The following SDCCAG8 variants were observed in gnomAD, a reference collection of about 807,000 sequenced individuals.
The protein encoded by SDCCAG8 is SHH signaling and ciliogenesis regulator SDCCAG8, also known as serologically defined colon cancer antigen 8.
A neutral mutation model predicts 101.8 loss-of-function variants in SDCCAG8; 74 were observed. That is an observed-to-expected ratio of 0.73 (90% confidence interval 0.60 to 0.88). SDCCAG8 has a LOEUF of 0.88. Ranked by LOEUF, SDCCAG8 falls within the 40% of genes least tolerant of loss-of-function variation. The pLI is 0.00. For synonymous variants in SDCCAG8, 281 were observed against 292.9 expected, an observed-to-expected ratio of 0.96 and a Z score of 0.41; for missense variants, 787 against 822.6, an observed-to-expected ratio of 0.96 and a Z score of 0.53.
chr1:243,283,575 C>T (rs1312221694), intron 4 of SDCCAG8, among the ~76,000 whole-genome samples: 1 of 151,778 alleles, frequency 6.6e-6, no homozygotes, highest in Non-Finnish European at 1.5e-5. Context: ...TATATCCAGT[C>T]TACTGATGAG....
chr1:243,337,343 T>C (rs1000160949), intron 10 of SDCCAG8, among the ~76,000 whole-genome samples: 2 of 152,230 alleles, frequency 1.3e-5, no homozygotes, highest in African/African-American at 4.8e-5. Context: ...TTTCTGGATC[T>C]CTATTCGATA....
At chr1:243,430,801 G>T (rs911020607) in intron 16 of SDCCAG8, among the ~76,000 whole-genome samples, 6 of 152,118 alleles carry the variant, frequency 3.9e-5, no homozygotes, top group Non-Finnish European at 7.4e-5. Flanking sequence ...GAAATCAAAA[G>T]ATTTTTTAAA....
chr1:243,360,188 T>C (rs1048508088), intron 12 of SDCCAG8, among the ~76,000 whole-genome samples: 29 of 140,596 alleles, frequency 2.1e-4, no homozygotes, highest in Non-Finnish European at 4.3e-4. Context: ...CTCTGTCACC[T>C]AGGCTGGAGT....
At chr1:243,465,996 C>G (rs1304661330) in intron 16 of SDCCAG8, among the ~76,000 whole-genome samples, 1 of 152,200 alleles carries the variant, frequency 6.6e-6, no homozygotes, top group Non-Finnish European at 1.5e-5. Flanking sequence ...CACTCTCTAT[C>G]TTAGTGGGGC....
chr1:243,418,760 G>A (rs1014427063), intron 15 of SDCCAG8, among the ~76,000 whole-genome samples: 1 of 152,166 alleles, frequency 6.6e-6, no homozygotes, highest in Non-Finnish European at 1.5e-5. Flanking sequence ...TTGGACAAAT[G>A]TATTTGACCT....
intron 13 of SDCCAG8, among the ~76,000 whole-genome samples, chr1:243,379,232 A>G (rs1459013717): frequency 6.6e-6 from 1 of 152,236 alleles, no homozygotes; most frequent in Non-Finnish European, 1.5e-5. Flanking sequence ...ATAATAAAAT[A>G]CTGTCAGTGG....
At chr1:243,260,822 G>C (rs961229516) in intron 1 of SDCCAG8, among the ~76,000 whole-genome samples, 11 of 152,082 alleles carry the variant, frequency 7.2e-5, no homozygotes, top group East Asian at 3.9e-4. Context: ...TCAACATTTT[G>C]GTGTTTCAGC....
Position 243,330,647 on chromosome 1 carries a change from G to A in SDCCAG8, c.1176G>A (p.Met392Ile), listed in dbSNP as rs1367586020. The change falls in exon 10 of 18, where the codon ATG becomes ATA. Residue 392 changes from methionine (M) to isoleucine (I), a missense_variant. Met to Ile is a conservative substitution (Grantham distance 10). Transcript: ENST00000366541. ...QQEKRAIEKD[M>I]MKKEITKERE... ...AGAAAAGGGCCATTGAGAAAGACAT[G>A]ATGAAAAAGGAAATAACGAAAGAAA... 14 of 1,613,900 alleles carry A rather than the reference G, an allele frequency of 8.7e-6. No individual in the cohort carries two copies. The highest frequency in any genetic ancestry group is 1.2e-5 in the Non-Finnish European group (14 of 1,179,958).
chr1:243,467,500 T>C (rs1343030898), intron 16 of SDCCAG8, among the ~76,000 whole-genome samples: 1 of 152,236 alleles, frequency 6.6e-6, no homozygotes. Flanking sequence ...AGTGGCTTTA[T>C]TCGGAGAGAG....
chr1:243,338,281 A>G (rs2783963), intron 10 of SDCCAG8, among the ~76,000 whole-genome samples: 115,264 of 152,088 alleles, frequency 0.76, 45,405 homozygotes, highest in East Asian at 0.93. Context: ...ATGACTGACC[A>G]GTTAATCATA....
At chr1:243,348,595 C>G (rs924208631) in intron 12 of SDCCAG8, among the ~76,000 whole-genome samples, 3 of 152,016 alleles carry the variant, frequency 2.0e-5, no homozygotes, top group Non-Finnish European at 4.4e-5. Context: ...TTTCTGAGAA[C>G]TGCGTAGGGC....
intron 16 of SDCCAG8, among the ~76,000 whole-genome samples, chr1:243,432,619 C>A (rs2081867354): frequency 6.6e-6 from 1 of 152,090 alleles, no homozygotes; most frequent in East Asian, 1.9e-4. Context: ...CATTTCAAAA[C>A]AAATCATGAA....
At chr1:243,493,865 C>T (rs560256244) in intron 17 of SDCCAG8, among the ~76,000 whole-genome samples, 1 of 151,658 alleles carries the variant, frequency 6.6e-6, no homozygotes, top group African/African-American at 2.4e-5. Context: ...GGAGGAAAGG[C>T]CCATTGCAAC....
At chr1:243,465,580 G>A (rs181090209) in intron 16 of SDCCAG8, among the ~76,000 whole-genome samples, 1 of 152,160 alleles carries the variant, frequency 6.6e-6, no homozygotes, top group Non-Finnish European at 1.5e-5. Flanking sequence ...AGAATTTTCT[G>A]TATGTTAGTC....
intron 10 of SDCCAG8, chr1:243,339,086 GA>G: frequency 1.9e-5 from 3 of 161,204 alleles, no homozygotes; most frequent in Non-Finnish European, 4.1e-5. Context: ...CTAGTGGGCA[GA>G]GGACCTCAGA....
At chr1:243,396,500 C>A (rs934185615) in intron 13 of SDCCAG8, among the ~76,000 whole-genome samples, 2 of 152,106 alleles carry the variant, frequency 1.3e-5, no homozygotes, top group Admixed American at 1.3e-4. Flanking sequence ...TGAAATGGTA[C>A]ATATTTGTAC....
intron 17 of SDCCAG8, among the ~76,000 whole-genome samples, chr1:243,491,749 G>A (rs1224086772): frequency 6.6e-6 from 1 of 152,188 alleles, no homozygotes; most frequent in Non-Finnish European, 1.5e-5. Context: ...TGCCGCCTGA[G>A]GGCTCCGGAG....
intron 12 of SDCCAG8, among the ~76,000 whole-genome samples, chr1:243,362,467 A>G (rs2076774260): frequency 6.6e-6 from 1 of 152,248 alleles, no homozygotes; most frequent in Admixed American, 6.5e-5. Context: ...ATGAATCTGA[A>G]CAAGTTACTG....
chr1:243,262,606 G>A (rs2067278733), intron 1 of SDCCAG8, among the ~76,000 whole-genome samples: 1 of 152,192 alleles, frequency 6.6e-6, no homozygotes, highest in South Asian at 2.1e-4. Context: ...ATGTTTCAGT[G>A]TTAGGAGATT....
Sources: allele counts gnomAD v4.1 joint callset (sites outside exome capture counted in the v4.1 genomes callset), GRCh38; gene constraint gnomAD v4.1.1; transcripts MANE v1.5; gene names NCBI Gene and HGNC (gene_info 2026-07-23, HGNC 2026-07-21).